The following RASA1 variants were observed in gnomAD, a reference collection of about 807,000 sequenced individuals.
RASA1 encodes the protein ras GTPase-activating protein 1.
In RASA1, 25 loss-of-function variants were observed where a neutral mutation model predicts 132.2. The ratio of observed to expected loss-of-function variants is 0.19; its 90% CI spans 0.14 to 0.26. The LOEUF (loss-of-function observed/expected upper bound fraction) is 0.26. Ranked by LOEUF, RASA1 falls within the 10% of genes least tolerant of loss-of-function variation. The probability of loss-of-function intolerance (pLI) is 1.00; values close to 1 mark genes in which losing one functional copy is unlikely to be tolerated. For synonymous variants in RASA1, 477 were observed against 449.9 expected (o/e 1.06, Z -0.76); for missense variants, 964 against 1,299.2 (o/e 0.74, Z 3.97).
intron 1 of RASA1, among the ~76,000 whole-genome samples, chr5:87,294,679 T>G (rs1015298954): frequency 3.3e-5 from 5 of 152,256 alleles, no homozygotes; most frequent in African/African-American, 1.2e-4. Flanking sequence ...GTTTTGTTAT[T>G]TATTTCTAGT....
At position 87,268,190 on chromosome 5, in the gene RASA1, T is replaced by A. The variant is rs1277321728; in HGVS notation, c.-262T>A. ...ATGTGTTTGTGTGCGTGAGTGTGGG[T>A]GTGTGCGGTGAGGTTTGGGTGGCGT... On this transcript the variant is annotated 5_prime_UTR_variant, in exon 1 of 25. Coordinates refer to ENST00000274376, the MANE Select transcript of RASA1 (RefSeq NM_002890.3). 1 of 549,224 alleles carries A rather than the reference T, an allele frequency of 1.8e-6. No homozygotes were observed. Among genetic ancestry groups the A allele is most frequent in the African/African-American group, 1.9e-5 (1 of 52,574 alleles). The allele number at this position is 549,224 out of a possible 1,614,324, so 34.0% of individuals were successfully genotyped here. A position where few individuals can be genotyped will look rare whatever the true frequency, so the allele number is the denominator to read the frequency against.
chr5:87,346,599 G>T, intron 6 of RASA1, 73 bp from the exon 7 acceptor site: 1 of 893,162 alleles, frequency 1.1e-6, no homozygotes, highest in South Asian at 1.6e-5. Flanking sequence ...TACTATATTG[G>T]TTGTTTAATT....
intron 1 of RASA1, among the ~76,000 whole-genome samples, chr5:87,313,958 A>T (rs990959938): frequency 3.3e-5 from 5 of 152,152 alleles, no homozygotes; most frequent in African/African-American, 1.2e-4. Flanking sequence ...ACCTGAGGTC[A>T]GGAGTTTGAG....
At chr5:87,291,720 G>C (rs1458926576) in intron 1 of RASA1, among the ~76,000 whole-genome samples, 1 of 152,084 alleles carries the variant, frequency 6.6e-6, no homozygotes, top group East Asian at 1.9e-4. Context: ...CTCTTGCTCT[G>C]CTTTCACCAA....
At chr5:87,346,795 ATG>A in intron 7 of RASA1, 71 bp downstream of exon 7, 1 of 1,229,844 alleles carries the variant, frequency 8.1e-7, no homozygotes, top group Non-Finnish European at 1.2e-6. Flanking sequence ...ACCATTTATC[ATG>A]TGTTTTGCCT....
chr5:87,339,832 A>G (rs935937815), intron 5 of RASA1, among the ~76,000 whole-genome samples: 3 of 152,160 alleles, frequency 2.0e-5, no homozygotes, highest in African/African-American at 7.2e-5. Flanking sequence ...AATAACTTTC[A>G]TGATGGGCTT....
intron 1 of RASA1, among the ~76,000 whole-genome samples, chr5:87,316,452 C>T (rs1756348276): frequency 6.6e-6 from 1 of 152,220 alleles, no homozygotes; most frequent in African/African-American, 2.4e-5. Context: ...AAATACTTCA[C>T]AACCAAAGGT....
chr5:87,353,108 T>G (rs1759396794), intron 8 of RASA1, 49 bp from the exon 9 acceptor site: 1 of 1,433,654 alleles, frequency 7.0e-7, no homozygotes, highest in Non-Finnish European at 9.8e-7. Context: ...TTTTAAAGAT[T>G]TTGCAGTTTT....
Position 87,346,661 on chromosome 5 carries a change from C to T in RASA1, c.1050-11C>T, listed in dbSNP as rs748571626. 1 of 1,513,164 alleles carries T rather than the reference C, an allele frequency of 6.6e-7. No individual in the cohort carries two copies. Among genetic ancestry groups the T allele is most frequent in the Non-Finnish European group, 9.2e-7 (1 of 1,092,744 alleles). The allele number at this position is 1,513,164 out of a possible 1,614,324, so 93.7% of individuals were successfully genotyped here. ...ACTTTATTTATATATCTAATTTATTCTCTTTTTAAGATGGTTCCATGGGAA... is the reference window on the plus strand; with the variant it reads ...ACTTTATTTATATATCTAATTTATTTTCTTTTTAAGATGGTTCCATGGGAA... On this transcript the variant is annotated splice_polypyrimidine_tract_variant and intron_variant, in intron 6 of 24. Coordinates refer to ENST00000274376, the MANE Select transcript of RASA1 (RefSeq NM_002890.3).
At chr5:87,358,423 T>G (rs1759816965) in intron 9 of RASA1, among the ~76,000 whole-genome samples, 1 of 152,202 alleles carries the variant, frequency 6.6e-6, no homozygotes, top group South Asian at 2.1e-4. Flanking sequence ...GAGAGGTTAA[T>G]AACTTAAATC....
intron 7 of RASA1, among the ~76,000 whole-genome samples, chr5:87,348,177 G>GT (rs1758997712): frequency 6.6e-6 from 1 of 151,858 alleles, no homozygotes; most frequent in Admixed American, 6.6e-5. Flanking sequence ...TAATTTTTAT[G>GT]TTTACTTATG....
intron 1 of RASA1, among the ~76,000 whole-genome samples, chr5:87,307,360 C>T (rs1054452036): frequency 6.6e-6 from 1 of 152,076 alleles, no homozygotes; most frequent in African/African-American, 2.4e-5. Context: ...TATGCCTAAT[C>T]TGAGGCAGGA....
At chr5:87,362,521 G>T in intron 9 of RASA1, 30 bp from the exon 10 acceptor site, 1 of 1,567,554 alleles carries the variant, frequency 6.4e-7, no homozygotes, top group Non-Finnish European at 8.8e-7. Flanking sequence ...AAGAATGTAT[G>T]AAATAATTTT....
chr5:87,335,419 GTTTTTTTTTT>G (rs34986349), intron 4 of RASA1, among the ~76,000 whole-genome samples: 40 of 72,888 alleles, frequency 5.5e-4, no homozygotes, highest in African/African-American at 2.0e-3. Context: ...AAAGAATGAG[GTTTTTTTTTT>G]TTTTTTTTTT....
intron 1 of RASA1, among the ~76,000 whole-genome samples, chr5:87,283,148 G>GTTTTTTTTTTTTTTTTTTT (rs200461511): frequency 9.7e-6 from 1 of 103,244 alleles, no homozygotes; most frequent in Admixed American, 9.6e-5. Context: ...TTTTTTTTGT[G>GTTTTTTTTTTTTTTTTTTT]TTTTTTTTTT....
intron 1 of RASA1, among the ~76,000 whole-genome samples, chr5:87,314,397 G>A (rs1478422826): frequency 6.6e-6 from 1 of 152,126 alleles, no homozygotes; most frequent in Non-Finnish European, 1.5e-5. Context: ...TAAAGAGATG[G>A]AAGACCAGTA....
intron 4 of RASA1, among the ~76,000 whole-genome samples, chr5:87,333,572 T>C (rs1184327720): frequency 6.6e-6 from 1 of 152,168 alleles, no homozygotes; most frequent in Admixed American, 6.5e-5. Context: ...TTAGGTTTTA[T>C]TCCACTGTCT....
At chr5:87,308,779 C>A (rs1755738661) in intron 1 of RASA1, among the ~76,000 whole-genome samples, 1 of 152,060 alleles carries the variant, frequency 6.6e-6, no homozygotes, top group Non-Finnish European at 1.5e-5. Flanking sequence ...TACACAAATA[C>A]CACTGTGTGA....
At position 87,268,387 on chromosome 5, in the gene RASA1, C is replaced by T. The variant is rs1270613305; in HGVS notation, c.-65C>T. On this transcript the variant is annotated 5_prime_UTR_variant, in exon 1 of 25. Transcript: ENST00000274376. ...GCGTCTGGGTGGGGCTGCTCGGAGC[C>T]CGGGCCTGGTGGCCCCTGGGGCTCC... is the stretch of plus-strand genomic sequence containing the variant. 7.5e-6 allele frequency: 11 copies of T among 1,461,814 alleles called. No homozygotes were observed. The highest frequency in any genetic ancestry group is 1.0e-5 in the Non-Finnish European group (11 of 1,105,410). 90.6% of individuals were successfully genotyped at this position (1,461,814 alleles called of 1,614,324 possible). A position where few individuals can be genotyped will look rare whatever the true frequency, so the allele number is the denominator to read the frequency against.
Sources: gnomAD v4.1 joint callset for allele counts (sites outside exome capture counted in the v4.1 genomes callset) on GRCh38, gnomAD v4.1.1 for gene constraint, MANE v1.5 for transcripts, NCBI Gene and HGNC (gene_info 2026-07-23, HGNC 2026-07-21) for gene names.